The following SLC25A51 variants were observed in gnomAD, a reference collection of about 807,000 sequenced individuals.
The protein encoded by SLC25A51 is mitochondrial nicotinamide adenine dinucleotide transporter SLC25A51.
SLC25A51 carries 11 observed loss-of-function variants against 19.1 expected under a neutral mutation model. The ratio of observed to expected loss-of-function variants is 0.58; its 90% CI spans 0.36 to 0.96. SLC25A51 has a LOEUF of 0.96. SLC25A51 is among the 40% of genes least tolerant of loss of function. SLC25A51 has a pLI of 0.01. For missense variants in SLC25A51, 201 were observed against 365.4 expected (o/e 0.55, Z 3.67); for synonymous variants, 105 against 133.6 (o/e 0.79, Z 1.47).
intron 2 of SLC25A51, among the ~76,000 whole-genome samples, chr9:37,898,235 A>C (rs911769657): frequency 6.6e-6 from 1 of 152,156 alleles, no homozygotes; most frequent in Non-Finnish European, 1.5e-5. Context: ...ACATGGCAAA[A>C]CCCTATCTGT....
Position 37,887,911 on chromosome 9 carries a change from C to A in SLC25A51, c.640G>T (p.Asp214Tyr). 1 of 1,612,012 alleles carries A rather than the reference C, an allele frequency of 6.2e-7. No individual in the cohort carries two copies. The highest frequency in any genetic ancestry group is 8.5e-7 in the Non-Finnish European group (1 of 1,179,850). Residue 214 changes from aspartate to tyrosine, a missense_variant, in exon 3 of 3, where the codon GAT (aspartate) becomes TAT (tyrosine). Transcript: ENST00000242275. ...CCCAATAGACCTCCACAGATAAAAT[C>A]ATTGACCAGATGAGCACTGTGAGTC... ...ATTHSAHLVN[D>Y]FICGGLLGAM...
chr9:37,903,077 A>G (rs1475564160), intron 1 of SLC25A51, among the ~76,000 whole-genome samples: 5 of 152,228 alleles, frequency 3.3e-5, no homozygotes, highest in Non-Finnish European at 5.9e-5. Context: ...GAGAGATCAG[A>G]TGAGTCAACT....
chr9:37,884,050 G>A (rs940715911), downstream of SLC25A51, among the ~76,000 whole-genome samples: 4 of 152,120 alleles, frequency 2.6e-5, no homozygotes, highest in Non-Finnish European at 5.9e-5. Context: ...CTTTATTTTG[G>A]TCAGTATGTA....
chr9:37,890,135 A>G (rs1831550167), intron 2 of SLC25A51, among the ~76,000 whole-genome samples: 1 of 152,158 alleles, frequency 6.6e-6, no homozygotes, highest in Non-Finnish European at 1.5e-5. Flanking sequence ...CTGTAATCCC[A>G]GCACTTTGGG....
downstream of SLC25A51, chr9:37,886,288 G>A (rs1587155923): frequency 6.2e-7 from 1 of 1,613,868 alleles, no homozygotes; most frequent in Non-Finnish European, 8.5e-7. Flanking sequence ...TATACCAGCG[G>A]GCCAAGAAGC....
chr9:37,885,464 C>A (rs1831432564), downstream of SLC25A51, among the ~76,000 whole-genome samples: 1 of 151,410 alleles, frequency 6.6e-6, no homozygotes, highest in Non-Finnish European at 1.5e-5. Flanking sequence ...AGTTACGACA[C>A]CAACTTATAT....
rs115761177 is a variant in SLC25A51 at position 37,888,231 on chromosome 9, C to G, written c.320G>C (p.Cys107Ser). The part of the protein sequence containing the change: ...LMFGLYEDLS[C>S]LLHKHVSAPE... The stretch of plus-strand genomic sequence containing the variant: ...AGCACTGACATGCTTGTGGAGAAGG[C>G]AGGATAAATCCTCATACAGACCAAA... The change falls in exon 3 of 3, where the codon TGC (cysteine) becomes TCC (serine). Residue 107 changes from cysteine (C) to serine (S), a missense_variant. Cys to Ser is a moderately radical substitution (Grantham distance 112, BLOSUM62 -1). Transcript: ENST00000242275. The G allele has an allele frequency of 3.5e-5, 56 of 1,614,184 alleles. No homozygotes were observed. The East Asian group carries it at 1.2e-3, about 36-fold the overall frequency.
chr9:37,885,963 G>C (rs750527648), downstream of SLC25A51: 3 of 1,613,672 alleles, frequency 1.9e-6, no homozygotes, highest in East Asian at 6.7e-5. Context: ...CGGGACAACA[G>C]GGTCACTTGG....
chr9:37,887,620 TA>T lies in SLC25A51; in HGVS notation c.*36del. On this transcript the variant is annotated 3_prime_UTR_variant, in exon 3 of 3. Coordinates refer to ENST00000242275, the MANE Select transcript of SLC25A51 (RefSeq NM_033412.4). ...CAAACTGCATTCTTCTTAGAAGGTCTATTCAGTTGATAAATGGCACTTAACT... is the reference window on the plus strand; with the variant it reads ...CAAACTGCATTCTTCTTAGAAGGTCTTTCAGTTGATAAATGGCACTTAACT... 1 of 1,569,786 alleles carries T rather than the reference TA, an allele frequency of 6.4e-7. No individual in the cohort carries two copies. Among genetic ancestry groups the T allele is most frequent in the South Asian group, 1.2e-5 (1 of 83,728 alleles).
At chr9:37,887,593 G>C, downstream of SLC25A51, 1 of 1,486,286 alleles carries the variant, frequency 6.7e-7, no homozygotes, top group Non-Finnish European at 9.0e-7. Context: ...AAAAAAAGAG[G>C]CCAAACTGCA....
At chr9:37,896,740 G>A (rs528659610) in intron 2 of SLC25A51, among the ~76,000 whole-genome samples, 8 of 152,190 alleles carry the variant, frequency 5.3e-5, no homozygotes, top group Non-Finnish European at 1.2e-4. Context: ...AGGTTGCAGT[G>A]AGCCGAGATT....
At chr9:37,883,392 A>C (rs545256998), downstream of SLC25A51, among the ~76,000 whole-genome samples, 1 of 152,360 alleles carries the variant, frequency 6.6e-6, no homozygotes, top group East Asian at 1.9e-4. Flanking sequence ...CTGAGTTAAA[A>C]CCATTAAAAA....
rs1298916251 is a variant in SLC25A51, at chr9:37,887,930, G to A, written c.621C>T (p.His207=). 9.9e-6 allele frequency: 16 copies of A among 1,611,930 alleles called. No individual in the cohort carries two copies. The highest frequency in any genetic ancestry group is 1.4e-5 in the Non-Finnish European group (16 of 1,179,880). The part of the protein sequence containing the change: ...IKEHLPTATT[H]SAHLVNDFIC... ...TAAAATCATTGACCAGATGAGCACT[G>A]TGAGTCGTTGCGGTAGGCAGATGCT... is the stretch of plus-strand genomic sequence containing the variant. The change falls in exon 3 of 3, where the codon CAC becomes CAT. Residue 207 remains histidine, a synonymous_variant. Coordinates refer to ENST00000242275, the MANE Select transcript of SLC25A51 (RefSeq NM_033412.4).
chr9:37,901,958 G>A (rs1653756058), intron 1 of SLC25A51, among the ~76,000 whole-genome samples: 1 of 152,160 alleles, frequency 6.6e-6, no homozygotes, highest in East Asian at 1.9e-4. Context: ...CCTATGTAAT[G>A]CTTTGCACTT....
downstream of SLC25A51, chr9:37,879,248 T>G (rs900125960): frequency 3.7e-6 from 1 of 272,916 alleles, no homozygotes; most frequent in African/African-American, 2.3e-5. Context: ...TCAGTGATGT[T>G]TGGGAACACT....
chr9:37,901,345 T>G (rs1831844570), intron 1 of SLC25A51, among the ~76,000 whole-genome samples: 1 of 152,000 alleles, frequency 6.6e-6, no homozygotes, highest in Admixed American at 6.6e-5. Context: ...TTTCTGTATT[T>G]TTAGTGGAGA....
chr9:37,897,215 A>C (rs537351085), intron 2 of SLC25A51, among the ~76,000 whole-genome samples: 1 of 151,782 alleles, frequency 6.6e-6, no homozygotes, highest in African/African-American at 2.4e-5. Flanking sequence ...TTATATTTTA[A>C]ATTTTTAAAT....
downstream of SLC25A51, among the ~76,000 whole-genome samples, chr9:37,883,129 G>A (rs1831381689): frequency 6.6e-6 from 1 of 152,258 alleles, no homozygotes; most frequent in South Asian, 2.1e-4. Context: ...ACAGGCGTGA[G>A]CCACCGCACC....
downstream of SLC25A51, chr9:37,887,573 TA>T (rs371359761): frequency 0.13 from 158,796 of 1,243,648 alleles, 3 homozygotes; most frequent in East Asian, 0.18. Context: ...GGATTTCCTT[TA>T]AAAAAAAAAA....
Sources: allele counts gnomAD v4.1 joint callset (sites outside exome capture counted in the v4.1 genomes callset), GRCh38; gene constraint gnomAD v4.1.1; transcripts MANE v1.5; gene names NCBI Gene and HGNC (gene_info 2026-07-23, HGNC 2026-07-21).